RAB3C: variants seen among roughly 807,000 people sequenced by gnomAD.
RAB3C encodes RAB3C, member RAS oncogene family, also known as ras-related protein Rab-3C.
Under a neutral mutation model 26.4 loss-of-function variants are expected in RAB3C, and 17 were observed. The observed-to-expected ratio is 0.64, with a 90% CI of 0.44 to 0.97. The LOEUF (loss-of-function observed/expected upper bound fraction) is 0.97, where lower values mean the gene tolerates loss of function less well. Among genes scored for constraint, RAB3C ranks in the 50% least tolerant of loss-of-function variants. RAB3C has a pLI of 0.00. For synonymous variants in RAB3C, 91 were observed against 95.9 expected (o/e 0.95, Z 0.30); for missense variants, 242 against 281.9 (o/e 0.86, Z 1.01).
chr5:58,585,459 C>T (rs1237495334), intron 1 of RAB3C, among the ~76,000 whole-genome samples: 2 of 151,632 alleles, frequency 1.3e-5, no homozygotes, highest in African/African-American at 4.8e-5. Context: ...TATTTTTTTA[C>T]TTAGGTCTGT....
At chr5:58,700,186 C>T (rs556139339) in intron 2 of RAB3C, among the ~76,000 whole-genome samples, 8 of 152,274 alleles carry the variant, frequency 5.3e-5, no homozygotes, top group East Asian at 1.9e-4. Context: ...GTGCATGACA[C>T]GTGGTAGTAA....
At chr5:58,810,794 G>A (rs138877436) in intron 3 of RAB3C, among the ~76,000 whole-genome samples, 20 of 152,150 alleles carry the variant, frequency 1.3e-4, no homozygotes, top group East Asian at 3.9e-4. Context: ...ACGGGGTTTC[G>A]CCATGTTGGC....
intron 2 of RAB3C, among the ~76,000 whole-genome samples, chr5:58,682,390 A>G (rs1264129157): frequency 6.6e-6 from 1 of 152,214 alleles, no homozygotes; most frequent in Non-Finnish European, 1.5e-5. Flanking sequence ...ATTATTACTT[A>G]AAGACAGTTT....
At chr5:58,807,530 C>T (rs542609763) in intron 3 of RAB3C, among the ~76,000 whole-genome samples, 81 of 152,272 alleles carry the variant, frequency 5.3e-4, no homozygotes, top group Admixed American at 1.5e-3. Context: ...AGTCCAAGAT[C>T]AAGGTGCCTG....
chr5:58,810,995 T>C (rs1371223956), intron 3 of RAB3C, among the ~76,000 whole-genome samples: 1 of 152,212 alleles, frequency 6.6e-6, no homozygotes, highest in African/African-American at 2.4e-5. Flanking sequence ...GGTGTGAACA[T>C]GGATCATTCT....
At chr5:58,727,875 C>A (rs1740924542) in intron 3 of RAB3C, among the ~76,000 whole-genome samples, 1 of 152,008 alleles carries the variant, frequency 6.6e-6, no homozygotes, top group East Asian at 1.9e-4. Flanking sequence ...ACTTCCTCAG[C>A]CTGACTTTCA....
intron 2 of RAB3C, among the ~76,000 whole-genome samples, chr5:58,685,072 G>C (rs1030028674): frequency 1.3e-5 from 2 of 152,158 alleles, no homozygotes; most frequent in Non-Finnish European, 2.9e-5. Context: ...AAGAAAATGT[G>C]ATAGAATCTT....
chr5:58,590,300 TG>T (rs1462489012), intron 1 of RAB3C, among the ~76,000 whole-genome samples: 1 of 152,208 alleles, frequency 6.6e-6, no homozygotes, highest in Non-Finnish European at 1.5e-5. Flanking sequence ...GGATCTGTAG[TG>T]ATATCCCCTT....
chr5:58,645,075 T>C (rs1747489562), intron 2 of RAB3C, among the ~76,000 whole-genome samples: 2 of 152,190 alleles, frequency 1.3e-5, no homozygotes, highest in Non-Finnish European at 2.9e-5. Context: ...GTGTTTGAGG[T>C]AGTGGAGACA....
chr5:58,721,810 T>G (rs759320480), intron 2 of RAB3C, among the ~76,000 whole-genome samples: 1 of 151,840 alleles, frequency 6.6e-6, no homozygotes, highest in Non-Finnish European at 1.5e-5. Context: ...GTGCAATTTC[T>G]TATTCTCCCT....
At position 58,663,565 on chromosome 5, in the gene RAB3C, A is replaced by T. The variant is rs943214157; in HGVS notation, c.252+45695A>T. Among the ~76,000 whole-genome samples, 5 of 148,650 alleles carry T rather than the reference A, an allele frequency of 3.4e-5. 1 individual carries two copies. Among genetic ancestry groups the T allele is most frequent in the African/African-American group, 1.3e-4 (5 of 38,096 alleles). On this transcript the variant is annotated intron_variant, in intron 2 of 4. Coordinates refer to ENST00000282878, the MANE Select transcript of RAB3C (RefSeq NM_138453.4). ...AAATAGAAGGGAAAGATTTATTCAA[A>T]TGTAACTATTAGCTAAAAGTAAATG...
chr5:58,633,032 C>T (rs1167605189), intron 2 of RAB3C, among the ~76,000 whole-genome samples: 2 of 152,146 alleles, frequency 1.3e-5, no homozygotes, highest in Non-Finnish European at 2.9e-5. Flanking sequence ...TGTTTGTCTC[C>T]TTAAGCTTTT....
chr5:58,658,413 A>G (rs1354522139), intron 2 of RAB3C, among the ~76,000 whole-genome samples: 1 of 152,220 alleles, frequency 6.6e-6, no homozygotes, highest in Non-Finnish European at 1.5e-5. Flanking sequence ...GTCATCTGCA[A>G]ACAGGAAAGG....
intron 1 of RAB3C, among the ~76,000 whole-genome samples, chr5:58,585,980 G>A (rs1746000159): frequency 6.6e-6 from 1 of 151,954 alleles, no homozygotes; most frequent in Admixed American, 6.6e-5. Context: ...AATGAGATGA[G>A]AAATAACAGT....
chr5:58,760,524 A>T (rs1741775207), intron 3 of RAB3C, among the ~76,000 whole-genome samples: 1 of 152,194 alleles, frequency 6.6e-6, no homozygotes, highest in South Asian at 2.1e-4. Context: ...CATGATGCTC[A>T]AAAAAGGGAT....
At position 58,821,813 on chromosome 5, in the gene RAB3C, A is replaced by G. The variant is rs977038105; in HGVS notation, c.372-3225A>G. On this transcript the variant is annotated intron_variant, in intron 3 of 4. Coordinates refer to ENST00000282878, the MANE Select transcript of RAB3C (RefSeq NM_138453.4). ...ACTCTTTCCTTTCTTCTCAGGAAGG[A>G]GAAACAGTGATCATAGCTCATTGAA... 3.9e-5 allele frequency among the ~76,000 whole-genome samples: 6 copies of G among 152,320 alleles called. No individual in the cohort carries two copies. The East Asian group carries it at 9.6e-4, about 24-fold the overall frequency.
intron 3 of RAB3C, among the ~76,000 whole-genome samples, chr5:58,801,368 G>A (rs912902548): frequency 3.9e-5 from 6 of 152,194 alleles, no homozygotes; most frequent in Admixed American, 1.3e-4. Flanking sequence ...CTACTGACAC[G>A]TGGCAGGGTG....
At chr5:58,672,543 A>G (rs1748141727) in intron 2 of RAB3C, among the ~76,000 whole-genome samples, 1 of 152,178 alleles carries the variant, frequency 6.6e-6, no homozygotes, top group South Asian at 2.1e-4. Flanking sequence ...TGAGGAATTA[A>G]ACTCTGAAAG....
intron 1 of RAB3C, among the ~76,000 whole-genome samples, chr5:58,591,902 T>C (rs1746136979): frequency 6.7e-6 from 1 of 148,712 alleles, no homozygotes; most frequent in Non-Finnish European, 1.5e-5. Context: ...TTTTCTATTT[T>C]TTTTTTTTTT....
Sources: allele counts gnomAD v4.1 joint callset (sites outside exome capture counted in the v4.1 genomes callset), GRCh38; gene constraint gnomAD v4.1.1; transcripts MANE v1.5; gene names NCBI Gene and HGNC (gene_info 2026-07-23, HGNC 2026-07-21).